The following RABGAP1L variants were observed in gnomAD, a reference collection of about 807,000 sequenced individuals.
The protein encoded by RABGAP1L is rab GTPase-activating protein 1-like.
Under a neutral mutation model 137.7 loss-of-function variants are expected in RABGAP1L, and 63 were observed. The observed-to-expected ratio is 0.46, with a 90% CI of 0.37 to 0.56. The LOEUF (loss-of-function observed/expected upper bound fraction) is 0.56. Among genes scored for constraint, RABGAP1L ranks in the 20% least tolerant of loss-of-function variants. The probability of loss-of-function intolerance (pLI) is 0.00; values close to 1 mark genes in which losing one functional copy is unlikely to be tolerated. For missense variants in RABGAP1L, 1,095 were observed against 1,244.0 expected, an observed-to-expected ratio of 0.88 and a Z score of 1.80; for synonymous variants, 431 against 433.7, an observed-to-expected ratio of 0.99 and a Z score of 0.08.
intron 17 of RABGAP1L, among the ~76,000 whole-genome samples, chr1:174,741,057 TTG>T (rs1491502716): frequency 0.015 from 2,033 of 137,828 alleles, 47 homozygotes; most frequent in African/African-American, 0.054. Context: ...TTTTTTTTTT[TTG>T]TGTGTGGGAG....
chr1:174,870,648 T>G (rs935148704), intron 19 of RABGAP1L, among the ~76,000 whole-genome samples: 1 of 152,244 alleles, frequency 6.6e-6, no homozygotes, highest in African/African-American at 2.4e-5. Context: ...TTATGGTATC[T>G]AGTTTATTGA....
At chr1:174,925,918 G>T (rs1573858911) in intron 19 of RABGAP1L, among the ~76,000 whole-genome samples, 2 of 124,296 alleles carry the variant, frequency 1.6e-5, no homozygotes, top group Non-Finnish European at 3.2e-5. Flanking sequence ...ATACCAGGCT[G>T]CAGTGGTGTG....
intron 11 of RABGAP1L, among the ~76,000 whole-genome samples, chr1:174,306,998 T>G (rs148388947): frequency 6.6e-4 from 101 of 152,326 alleles, no homozygotes; most frequent in Non-Finnish European, 9.6e-4. Flanking sequence ...TAATAATTAT[T>G]TTTAGCTAAT....
At chr1:174,400,816 C>T (rs1192071071) in intron 13 of RABGAP1L, among the ~76,000 whole-genome samples, 2 of 151,946 alleles carry the variant, frequency 1.3e-5, no homozygotes, top group African/African-American at 2.4e-5. Context: ...CAATGATTGG[C>T]CTGCCATGGT....
At chr1:174,728,801 C>T (rs1362415777) in intron 17 of RABGAP1L, among the ~76,000 whole-genome samples, 1 of 151,972 alleles carries the variant, frequency 6.6e-6, no homozygotes, top group Non-Finnish European at 1.5e-5. Context: ...GCCACCATGC[C>T]CAGTTGATTT....
intron 19 of RABGAP1L, among the ~76,000 whole-genome samples, chr1:174,905,228 C>A (rs894622879): frequency 1.3e-5 from 2 of 152,146 alleles, no homozygotes; most frequent in East Asian, 1.9e-4. Flanking sequence ...GAATAAATAA[C>A]TAATCCTTCA....
At chr1:174,523,797 C>G (rs991744970) in intron 13 of RABGAP1L, among the ~76,000 whole-genome samples, 1 of 152,142 alleles carries the variant, frequency 6.6e-6, no homozygotes, top group Non-Finnish European at 1.5e-5. Context: ...CCCACCATCA[C>G]GCTCTTCCCT....
intron 14 of RABGAP1L, among the ~76,000 whole-genome samples, chr1:174,646,688 A>G (rs1018638671): frequency 6.6e-6 from 1 of 152,108 alleles, no homozygotes; most frequent in Non-Finnish European, 1.5e-5. Flanking sequence ...TGTCTTGGCT[A>G]TACAGGCTTT....
At chr1:174,303,588 G>C (rs1180690873) in intron 10 of RABGAP1L, among the ~76,000 whole-genome samples, 1 of 152,084 alleles carries the variant, frequency 6.6e-6, no homozygotes, top group East Asian at 1.9e-4. Context: ...ATATGAACCA[G>C]GCAATTTTCT....
At chr1:174,765,135 G>A (rs756136914) in intron 18 of RABGAP1L, among the ~76,000 whole-genome samples, 33 of 152,118 alleles carry the variant, frequency 2.2e-4, no homozygotes, top group Non-Finnish European at 4.6e-4. Flanking sequence ...GGAGACAATC[G>A]AAACAATGAG....
At chr1:174,585,154 C>CT (rs1669025031) in intron 13 of RABGAP1L, among the ~76,000 whole-genome samples, 1 of 152,006 alleles carries the variant, frequency 6.6e-6, no homozygotes, top group Admixed American at 6.6e-5. Flanking sequence ...TCTCCTGTTG[C>CT]TTTTTACTTT....
chr1:174,227,911 G>C (rs1670325543), intron 3 of RABGAP1L, among the ~76,000 whole-genome samples: 1 of 149,704 alleles, frequency 6.7e-6, no homozygotes, highest in African/African-American at 2.5e-5. Context: ...GCAAGGAATA[G>C]GTCTTTTTCT....
chr1:174,565,249 A>G (rs1359183824), intron 13 of RABGAP1L, among the ~76,000 whole-genome samples: 1 of 152,146 alleles, frequency 6.6e-6, no homozygotes, highest in African/African-American at 2.4e-5. Context: ...TTCTAATCTA[A>G]CAGATGTCTT....
At chr1:174,461,366 A>G (rs747291740) in intron 13 of RABGAP1L, among the ~76,000 whole-genome samples, 3 of 152,196 alleles carry the variant, frequency 2.0e-5, no homozygotes, top group Non-Finnish European at 4.4e-5. Flanking sequence ...AATAGTATCC[A>G]TAGTGGTAGA....
At chr1:174,193,448 C>G (rs1457691368) in intron 1 of RABGAP1L, among the ~76,000 whole-genome samples, 7 of 152,178 alleles carry the variant, frequency 4.6e-5, no homozygotes, top group Non-Finnish European at 2.9e-5. Context: ...ATGAGAATCG[C>G]TTGAATCTGG....
intron 1 of RABGAP1L, among the ~76,000 whole-genome samples, chr1:174,162,439 T>C (rs926650762): frequency 3.3e-5 from 5 of 152,170 alleles, no homozygotes; most frequent in Non-Finnish European, 7.3e-5. Flanking sequence ...GGGAGATAGC[T>C]AGGCTTCAAG....
At chr1:174,466,014 C>T (rs1005431418) in intron 13 of RABGAP1L, among the ~76,000 whole-genome samples, 6 of 152,188 alleles carry the variant, frequency 3.9e-5, no homozygotes, top group Non-Finnish European at 7.3e-5. Context: ...GCTCTTCTTA[C>T]AGTGGGATGA....
Position 174,349,495 on chromosome 1 carries a change from C to T in RABGAP1L, c.1466-21484C>T, listed in dbSNP as rs554967549. The stretch of plus-strand genomic sequence containing the variant: ...CTCCCTCCCAGACAGGGCGGCTGGC[C>T]GGGCAGAGGGGCTCCTCACTTCCCA... On this transcript the variant is annotated intron_variant, in intron 11 of 25. Transcript: ENST00000681986. Among the ~76,000 whole-genome samples, 87 of 132,514 alleles carry T rather than the reference C, an allele frequency of 6.6e-4. 1 individual carries two copies. The highest frequency in any genetic ancestry group is 5.8e-3 in the Admixed American group (77 of 13,220). 86.9% of individuals were successfully genotyped at this position (132,514 alleles called of 152,430 possible). A position where few individuals can be genotyped will look rare whatever the true frequency, so the allele number is the denominator to read the frequency against.
At chr1:174,581,418 C>A (rs1358159693) in intron 13 of RABGAP1L, among the ~76,000 whole-genome samples, 1 of 152,084 alleles carries the variant, frequency 6.6e-6, no homozygotes, top group Non-Finnish European at 1.5e-5. Context: ...AGATGCTAAG[C>A]GAATGAAATG....
Sources: gnomAD v4.1 joint callset for allele counts (sites outside exome capture counted in the v4.1 genomes callset) on GRCh38, gnomAD v4.1.1 for gene constraint, MANE v1.5 for transcripts, NCBI Gene and HGNC (gene_info 2026-07-23, HGNC 2026-07-21) for gene names.